Variants in MYOF observed in about 807,000 individuals in gnomAD.
MYOF encodes the protein fer-1-like 3, myoferlin.
MYOF carries 244 observed loss-of-function variants against 284.2 expected under a neutral mutation model. That is an observed-to-expected ratio of 0.86 (90% CI 0.77 to 0.95). The LOEUF (loss-of-function observed/expected upper bound fraction) is 0.95, where lower values mean the gene tolerates loss of function less well. MYOF is among the 40% of genes least tolerant of loss of function. The probability of loss-of-function intolerance (pLI) is 0.00; values close to 1 mark genes in which losing one functional copy is unlikely to be tolerated. For synonymous variants in MYOF, 904 were observed against 919.7 expected, an observed-to-expected ratio of 0.98 and a Z score of 0.31; for missense variants, 2,496 against 2,560.6, an observed-to-expected ratio of 0.97 and a Z score of 0.54.
chr10:93,401,001 C>T (rs1233593319), intron 12 of MYOF, among the ~76,000 whole-genome samples: 4 of 151,848 alleles, frequency 2.6e-5, no homozygotes, highest in Admixed American at 2.0e-4. Flanking sequence ...TATAGGCACC[C>T]GCCACCATGC....
chr10:93,353,607 AT>A (rs1564642621), intron 32 of MYOF, among the ~76,000 whole-genome samples: 2 of 152,218 alleles, frequency 1.3e-5, no homozygotes, highest in Non-Finnish European at 2.9e-5. Flanking sequence ...TCTTCTATGT[AT>A]TACTAGGACC....
At chr10:93,456,985 A>G in intron 1 of MYOF, 48 bp from the exon 2 acceptor site, 1 of 1,408,868 alleles carries the variant, frequency 7.1e-7, no homozygotes. Flanking sequence ...TAAAAAAATT[A>G]AAGAGCGTGG....
At chr10:93,477,465 C>A (rs1474809277) in intron 1 of MYOF, among the ~76,000 whole-genome samples, 1 of 150,552 alleles carries the variant, frequency 6.6e-6, no homozygotes, top group African/African-American at 2.4e-5. Flanking sequence ...GCACTCCAGC[C>A]TGGGCAACAA....
At chr10:93,413,145 C>T (rs934313186) in intron 5 of MYOF, among the ~76,000 whole-genome samples, 1 of 152,110 alleles carries the variant, frequency 6.6e-6, no homozygotes, top group Admixed American at 6.5e-5. Context: ...TCAATCATAC[C>T]CCTTTGCAAT....
chr10:93,354,664 T>TCA (rs1267164863), intron 31 of MYOF, among the ~76,000 whole-genome samples: 2 of 121,068 alleles, frequency 1.7e-5, no homozygotes, highest in Admixed American at 8.6e-5. Context: ...ACTCACACAT[T>TCA]CACTCTCTCT....
chr10:93,381,364 A>C lies in MYOF; in HGVS notation c.1731T>G (p.Ser577=). 6.2e-7 allele frequency: 1 copy of C among 1,614,252 alleles called. No homozygotes were observed. Among genetic ancestry groups the C allele is most frequent in the Non-Finnish European group, 8.5e-7 (1 of 1,180,048 alleles). ...ACATGGTGGCTGAATGAAACACGGC[A>C]GACAGGCTGTACTTCCGCCTTCGCT... ...KYQRRRKYSL[S]AVFHSATMLQ... Residue 577 remains serine, a synonymous_variant, in exon 20 of 54, where the codon TCT becomes TCG. Transcript: ENST00000359263.
chr10:93,356,496 T>G (rs919995276), intron 30 of MYOF, among the ~76,000 whole-genome samples, 179 bp downstream of exon 30: 2 of 152,118 alleles, frequency 1.3e-5, no homozygotes, highest in African/African-American at 4.8e-5. Context: ...TAATGGTCTA[T>G]TCGTTCTACA....
intron 36 of MYOF, among the ~76,000 whole-genome samples, chr10:93,348,466 T>G (rs1301316732): frequency 2.6e-5 from 4 of 152,186 alleles, no homozygotes; most frequent in Admixed American, 2.6e-4. Flanking sequence ...TTCAGGTGAA[T>G]TTCTATCTCT....
chr10:93,472,943 G>A (rs780058819), intron 1 of MYOF, among the ~76,000 whole-genome samples: 6 of 152,114 alleles, frequency 3.9e-5, no homozygotes, highest in East Asian at 1.9e-4. Flanking sequence ...TCAGCACTAC[G>A]ACAAGTTCTC....
Position 93,351,545 on chromosome 10 carries a change from G to A in MYOF, c.3690C>T (p.Ser1230=), listed in dbSNP as rs981246332. ...TCAGTTTCACCACAGGAGAGAAAATGCTTCGTCCTAAAAATTCATCTTTGC... is the reference window on the plus strand; with the variant it reads ...TCAGTTTCACCACAGGAGAGAAAATACTTCGTCCTAAAAATTCATCTTTGC... ...QVGKDEFLGR[S]IFSPVVKLNS... is the part of the protein sequence containing the mutation. Residue 1230 remains serine (S), a synonymous_variant, in exon 34 of 54, where the codon AGC becomes AGT. Transcript: ENST00000359263. 8 of 1,614,128 alleles carry A rather than the reference G, an allele frequency of 5.0e-6. 1 individual carries two copies. The Middle Eastern group carries it at 6.6e-4, about 133-fold the overall frequency.
intron 5 of MYOF, among the ~76,000 whole-genome samples, chr10:93,414,216 C>G (rs1848022833): frequency 6.6e-6 from 1 of 152,020 alleles, no homozygotes; most frequent in South Asian, 2.1e-4. Context: ...CACAGCCTTT[C>G]TCCTTCTGTG....
At chr10:93,345,722 G>A (rs1844157646) in intron 37 of MYOF, among the ~76,000 whole-genome samples, 1 of 152,226 alleles carries the variant, frequency 6.6e-6, no homozygotes, top group Admixed American at 6.5e-5. Context: ...GACAGGAGGA[G>A]AAAGTTATTC....
intron 4 of MYOF, 112 bp downstream of exon 4, chr10:93,431,296 G>A (rs7098543): frequency 0.024 from 19,105 of 808,076 alleles, 756 homozygotes; most frequent in South Asian, 0.1. Context: ...GCCTCCCAAA[G>A]TGCTGGGATT....
chr10:93,329,556 A>T, intron 44 of MYOF, 108 bp downstream of exon 44: 1 of 1,025,514 alleles, frequency 9.8e-7, no homozygotes, highest in Non-Finnish European at 1.4e-6. Context: ...CCTGAGTGAT[A>T]GGAGCAGTGG....
chr10:93,450,797 A>G (rs1275446845), intron 3 of MYOF, among the ~76,000 whole-genome samples: 1 of 152,216 alleles, frequency 6.6e-6, no homozygotes. Context: ...TACTAACATT[A>G]CTAAAAACTG....
chr10:93,409,556 C>A lies in MYOF; in HGVS notation c.600+17G>T. 6.2e-7 allele frequency: 1 copy of A among 1,609,542 alleles called. No homozygotes were observed. The highest frequency in any genetic ancestry group is 8.5e-7 in the Non-Finnish European group (1 of 1,178,502). ...ATAAAGATTAAACAAAGAAGCAGAACGCCAGGCCGTTGCTACCTGGAAGTC... is the reference window on the plus strand; with the variant it reads ...ATAAAGATTAAACAAAGAAGCAGAAAGCCAGGCCGTTGCTACCTGGAAGTC... On this transcript the variant is annotated intron_variant, in intron 6 of 53. Transcript: ENST00000359263.
chr10:93,343,917 G>T lies in MYOF; in HGVS notation c.4265C>A (p.Ala1422Asp). ...GATAACGATGTCCCGGCATGGTGGGGCAGACAGAAGGGAGGCTGCAAGACA... is the reference window on the plus strand; with the variant it reads ...GATAACGATGTCCCGGCATGGTGGGTCAGACAGAAGGGAGGCTGCAAGACA... ...VPQLKASLLS[A>D]PPCRDIVIEM... Residue 1422 changes from alanine to aspartate, a missense_variant, in exon 38 of 54, where the codon GCC (alanine) becomes GAC (aspartate). Transcript: ENST00000359263. 6.2e-7 allele frequency: 1 copy of T among 1,614,198 alleles called. No individual in the cohort carries two copies.
chr10:93,310,436 A>G, intron 52 of MYOF, 98 bp downstream of exon 52: 1 of 1,229,538 alleles, frequency 8.1e-7, no homozygotes, highest in Non-Finnish European at 1.2e-6. Context: ...CCAGATTAGG[A>G]GGACCACAAA....
intron 19 of MYOF, 54 bp downstream of exon 19, chr10:93,387,743 G>A (rs1846456233): frequency 6.7e-7 from 1 of 1,484,788 alleles, no homozygotes; most frequent in Non-Finnish European, 9.4e-7. Context: ...TACCCCTTCA[G>A]TCCCTGGAGG....
Sources: gnomAD v4.1 joint callset for allele counts (sites outside exome capture counted in the v4.1 genomes callset) on GRCh38, gnomAD v4.1.1 for gene constraint, MANE v1.5 for transcripts, NCBI Gene and HGNC (gene_info 2026-07-23, HGNC 2026-07-21) for gene names.